The following OGFOD3 variants were observed in gnomAD, a reference collection of about 807,000 sequenced individuals.
The protein encoded by OGFOD3 is 2-oxoglutarate and iron dependent oxygenase domain containing 3.
Under a neutral mutation model 39.8 loss-of-function variants are expected in OGFOD3, and 35 were observed. That is an observed-to-expected ratio of 0.88 (90% CI 0.67 to 1.17). OGFOD3 has a LOEUF of 1.17. Among genes scored for constraint, OGFOD3 ranks in the 50% most tolerant of loss-of-function variants. The pLI is 0.00. For missense variants in OGFOD3, 438 were observed against 454.5 expected (o/e 0.96, Z 0.33); for synonymous variants, 200 against 192.0 (o/e 1.04, Z -0.34).
chr17:82,407,483 G>A (rs965430020), intron 4 of OGFOD3, among the ~76,000 whole-genome samples: 2 of 152,210 alleles, frequency 1.3e-5, no homozygotes, highest in African/African-American at 4.8e-5. Flanking sequence ...ACCACAGTGC[G>A]CGCCACGCCA....
Position 82,411,252 on chromosome 17 carries a change from G to A in OGFOD3, c.380+203C>T, listed in dbSNP as rs9916119. Among the ~76,000 whole-genome samples, 53,979 of 151,452 alleles carry A rather than the reference G, an allele frequency of 0.36. 10,734 individuals are homozygous for A. The highest frequency in any genetic ancestry group is 0.9 in the East Asian group (4,578 of 5,090). On this transcript the variant is annotated intron_variant, in intron 3 of 8. Coordinates refer to ENST00000313056, the MANE Select transcript of OGFOD3 (RefSeq NM_024648.3). Reference sequence around the variant, plus strand: ...AGTAGAGACAGGGTTTCACCATGTTGCCCAGGCTGGTCTCGAACTCCTGAA... The same window carrying A: ...AGTAGAGACAGGGTTTCACCATGTTACCCAGGCTGGTCTCGAACTCCTGAA...
In OGFOD3 at chr17:82,392,265, G is replaced by A. The variant is rs1297998299; in HGVS notation, c.*133C>T. On this transcript the variant is annotated 3_prime_UTR_variant, in exon 9 of 9. Coordinates refer to ENST00000313056, the MANE Select transcript of OGFOD3 (RefSeq NM_024648.3). The surrounding 1 kb of genome is among the most constrained non-coding windows in gnomAD (Gnocchi z 4.2). ...TACTCACAGATGAAAAGATTAACAC[G>A]TCAGCAAATCAAAATCAGAGAATTC... 9.2e-6 allele frequency: 9 copies of A among 978,378 alleles called. No individual in the cohort carries two copies. The highest frequency in any genetic ancestry group is 2.6e-5 in the East Asian group (1 of 37,868). The allele number at this position is 978,378 out of a possible 1,614,324, so 60.6% of individuals were successfully genotyped here. A position where few individuals can be genotyped will look rare whatever the true frequency, so the allele number is the denominator to read the frequency against.
intron 4 of OGFOD3, among the ~76,000 whole-genome samples, chr17:82,407,634 C>T (rs1270079521): frequency 6.6e-6 from 1 of 152,252 alleles, no homozygotes; most frequent in African/African-American, 2.4e-5. Context: ...AGGAGCCCCA[C>T]TGCTGCCCCT....
At chr17:82,394,296 G>A in intron 8 of OGFOD3, 1 of 1,495,904 alleles carries the variant, frequency 6.7e-7, no homozygotes, top group Non-Finnish European at 8.9e-7. Flanking sequence ...GGCCTAAGAT[G>A]CACTTTCTTT....
intron 5 of OGFOD3, 49 bp from the exon 6 acceptor site, chr17:82,405,429 T>C (rs2052840496): frequency 6.8e-7 from 1 of 1,468,708 alleles, no homozygotes; most frequent in Non-Finnish European, 9.5e-7. Flanking sequence ...CATTAATCTG[T>C]TGTTCATCTC....
At chr17:82,416,065 C>T (rs1224136812) in intron 1 of OGFOD3, among the ~76,000 whole-genome samples, 2 of 148,428 alleles carry the variant, frequency 1.3e-5, no homozygotes, top group Non-Finnish European at 1.5e-5. Context: ...CCTGTCTCTA[C>T]TAAATACAAA....
intron 2 of OGFOD3, among the ~76,000 whole-genome samples, chr17:82,413,048 G>A (rs1447714075): frequency 6.6e-6 from 1 of 152,214 alleles, no homozygotes; most frequent in African/African-American, 2.4e-5. Context: ...CCACTTGGCT[G>A]AATATCAGGG....
At chr17:82,396,090 TACAC>T (rs2052668417) in intron 8 of OGFOD3, among the ~76,000 whole-genome samples, 2 of 149,100 alleles carry the variant, frequency 1.3e-5, no homozygotes, top group Admixed American at 1.3e-4. Context: ...TAAACACAGA[TACAC>T]ACAATTAGAT....
rs2052709628 is a variant in OGFOD3 at position 82,398,300 on chromosome 17, T to A, written c.719A>T (p.Asp240Val). 1 of 1,613,484 alleles carries A rather than the reference T, an allele frequency of 6.2e-7. No homozygotes were observed. Among genetic ancestry groups the A allele is most frequent in the Non-Finnish European group, 8.5e-7 (1 of 1,179,782 alleles). Residue 240 changes from aspartate (D) to valine (V), a missense_variant, in exon 8 of 9, where the codon GAC (aspartate) becomes GTC (valine). Physicochemically the swap from Asp to Val is radical, Grantham distance 152 (BLOSUM62 -3). Coordinates refer to ENST00000313056, the MANE Select transcript of OGFOD3 (RefSeq NM_024648.3). Reference sequence around the variant, plus strand: ...GGAGAGGTACAGCAGCGAGGTGTAGTCGAAGGAGCCGTAGGTCACCTGAGG... The same window carrying A: ...GGAGAGGTACAGCAGCGAGGTGTAGACGAAGGAGCCGTAGGTCACCTGAGG... ...HVDKVTYGSF[D>V]YTSLLYLSNY...
chr17:82,416,872 A>G (rs1215542648), intron 1 of OGFOD3, among the ~76,000 whole-genome samples: 1 of 151,862 alleles, frequency 6.6e-6, no homozygotes, highest in Admixed American at 6.6e-5. Flanking sequence ...ACGGGGTTTC[A>G]CCACGTTGGT....
At chr17:82,408,896 T>A (rs1485527985) in intron 4 of OGFOD3, among the ~76,000 whole-genome samples, 2 of 152,222 alleles carry the variant, frequency 1.3e-5, no homozygotes, top group African/African-American at 2.4e-5. Flanking sequence ...CAGCCTCACA[T>A]GGGACGACAG....
intron 7 of OGFOD3, among the ~76,000 whole-genome samples, chr17:82,400,184 T>C (rs920473677): frequency 6.6e-6 from 1 of 152,174 alleles, no homozygotes; most frequent in African/African-American, 2.4e-5. Flanking sequence ...GGTGGTGCCC[T>C]GGGCGGTGGG....
chr17:82,394,232 C>T (rs1012667283), intron 8 of OGFOD3: 14 of 890,290 alleles, frequency 1.6e-5, no homozygotes, highest in Non-Finnish European at 2.0e-5. Context: ...CCTCATGACC[C>T]GCCCGTCTTG....
Position 82,403,945 on chromosome 17 carries a change from C to T in OGFOD3, c.691G>A (p.Val231Met). Residue 231 changes from valine (V) to methionine (M), a missense_variant, in exon 7 of 9, where the codon GTG becomes ATG. By Grantham distance (21) the Val-to-Met change is conservative (BLOSUM62 1). Transcript: ENST00000313056. ...CCCACGGGCGCGCTCACCTTGTCCA[C>T]GTGCGCATGCCAGTACTCGTCGTGC... ...TAHDEYWHAHVDKVTYGSFDY... is the reference protein window; with the variant it reads ...TAHDEYWHAHMDKVTYGSFDY... 4 of 1,603,760 alleles carry T rather than the reference C, an allele frequency of 2.5e-6. No homozygotes were observed. The highest frequency in any genetic ancestry group is 2.5e-6 in the Non-Finnish European group (3 of 1,176,744).
At chr17:82,398,058 T>C in intron 8 of OGFOD3, 138 bp downstream of exon 8, 1 of 1,097,270 alleles carries the variant, frequency 9.1e-7, no homozygotes, top group Non-Finnish European at 1.3e-6. Context: ...GCGCTAGACC[T>C]GGGAATCACT....
chr17:82,410,321 G>T (rs2052922721), intron 3 of OGFOD3, among the ~76,000 whole-genome samples: 1 of 152,228 alleles, frequency 6.6e-6, no homozygotes, highest in Non-Finnish European at 1.5e-5. Flanking sequence ...CTCAGGGCAG[G>T]GCACGTGGCC....
At chr17:82,417,361 G>A (rs141065549) in intron 1 of OGFOD3, 7,288 of 152,282 alleles carry the variant, frequency 0.048, 232 homozygotes, top group African/African-American at 0.085. Flanking sequence ...GCTCACGCCT[G>A]TAATCCCAGC....
chr17:82,391,220 A>G lies in OGFOD3; in HGVS notation c.*1178T>C, dbSNP rs2052593782. 1 of 152,952 alleles carries G rather than the reference A, an allele frequency of 6.5e-6. No homozygotes were observed. The highest frequency in any genetic ancestry group is 2.4e-5 in the African/African-American group (1 of 41,460). The allele number at this position is 152,952 out of a possible 1,614,324, so 9.5% of individuals were successfully genotyped here. On this transcript the variant is annotated 3_prime_UTR_variant, in exon 9 of 9. Transcript: ENST00000313056. The surrounding 1 kb of genome is among the most constrained non-coding windows in gnomAD (Gnocchi z 5.1). ...CCGTCCCCCTCCCGGGAAGGTGCCC[A>G]AAGCCCTGGACAGTCACCTCGAGGT...
At chr17:82,409,549 G>C in intron 3 of OGFOD3, 139 bp from the exon 4 acceptor site, 1 of 759,702 alleles carries the variant, frequency 1.3e-6, no homozygotes. Flanking sequence ...CAAATGTTTA[G>C]ACCAAAGGAC....
Sources: gnomAD v4.1 joint callset for allele counts (sites outside exome capture counted in the v4.1 genomes callset) on GRCh38, gnomAD v4.1.1 for gene constraint, Gnocchi (gnomAD v3.1) non-coding constraint, MANE v1.5 for transcripts, NCBI Gene and HGNC (gene_info 2026-07-23, HGNC 2026-07-21) for gene names.